ZNF880: variants seen among roughly 807,000 people sequenced by gnomAD.
The protein encoded by ZNF880 is zinc finger protein LOC400713.
A neutral mutation model predicts 11.8 loss-of-function variants in ZNF880; 12 were observed. The ratio of observed to expected loss-of-function variants is 1.02; its 90% confidence interval spans 0.65 to 1.65. ZNF880 has a LOEUF of 1.65. Ranked by LOEUF, ZNF880 falls within the 40% of genes most tolerant of loss-of-function variation. The probability of loss-of-function intolerance (pLI) is 0.00; values close to 1 mark genes in which losing one functional copy is unlikely to be tolerated. For missense variants in ZNF880, 601 were observed against 673.9 expected, an observed-to-expected ratio of 0.89 and a Z score of 1.20; for synonymous variants, 210 against 232.4, an observed-to-expected ratio of 0.90 and a Z score of 0.88.
At chr19:52,370,779 T>C (rs902503357) in intron 1 of ZNF880, among the ~76,000 whole-genome samples, 31 of 152,236 alleles carry the variant, frequency 2.0e-4, no homozygotes, top group African/African-American at 7.2e-4. Context: ...CATGCTGAAA[T>C]GCACATTTGC....
chr19:52,369,858 G>GGAAGCGCAGGCTCCGCC (rs1205870004), upstream of ZNF880: 2 of 1,417,794 alleles, frequency 1.4e-6, no homozygotes, highest in African/African-American at 2.8e-5. Context: ...CGAGGCGGAG[G>GGAAGCGCAGGCTCCGCC]GAAGCGCAGG....
rs869288387 is a variant in ZNF880 at position 52,376,509 on chromosome 19, C to CTTTTTTTTTTTT, written c.268+2089_268+2100dup. Among the ~76,000 whole-genome samples the CTTTTTTTTTTTT allele has an allele frequency of 3.9e-4, 23 of 58,318 alleles. 1 individual carries two copies. Among genetic ancestry groups the CTTTTTTTTTTTT allele is most frequent in the African/African-American group, 5.8e-4 (8 of 13,732 alleles). The allele number at this position is 58,318 out of a possible 152,430, so 38.3% of individuals were successfully genotyped here. A position where few individuals can be genotyped will look rare whatever the true frequency, so the allele number is the denominator to read the frequency against. On this transcript the variant is annotated intron_variant, in intron 3 of 3. Coordinates refer to ENST00000422689, the MANE Select transcript of ZNF880 (RefSeq NM_001145434.2). ...GTCCTTAGCACCGCCCCCCCCCCCC[C>CTTTTTTTTTTTT]TTTTTTTTTTTTTTTTTTGAGACAG...
intron 2 of ZNF880, 98 bp from the exon 3 acceptor site, chr19:52,374,201 C>T (rs955046551): frequency 4.0e-5 from 44 of 1,102,052 alleles, no homozygotes; most frequent in East Asian, 5.3e-5. Context: ...CCCGCCACCA[C>T]GCCCCGCTAA....
intron 3 of ZNF880, among the ~76,000 whole-genome samples, chr19:52,377,746 G>T (rs74760116): frequency 1.3e-5 from 2 of 152,172 alleles, no homozygotes; most frequent in African/African-American, 4.8e-5. Context: ...AGATTCACAG[G>T]GGGAGGCACG....
the ZNF880 span, among the ~76,000 whole-genome samples, chr19:52,393,906 A>T: frequency 3.7e-5 from 5 of 135,380 alleles, no homozygotes; most frequent in South Asian, 2.4e-4. Context: ...GCGCGATCTC[A>T]GCTCACTGCA....
At chr19:52,369,688 G>C (rs201426952), upstream of ZNF880, among the ~76,000 whole-genome samples, 2 of 151,938 alleles carry the variant, frequency 1.3e-5, no homozygotes, top group African/African-American at 4.8e-5. Context: ...ACATGCGAGC[G>C]CCCCTACAGC....
chr19:52,385,333 T>G lies in ZNF880; in HGVS notation c.*19T>G. 6.5e-7 allele frequency: 1 copy of G among 1,547,030 alleles called. No individual in the cohort carries two copies. Among genetic ancestry groups the G allele is most frequent in the South Asian group, 1.2e-5 (1 of 83,792 alleles). On this transcript the variant is annotated 3_prime_UTR_variant, in exon 4 of 4. Coordinates refer to ENST00000422689, the MANE Select transcript of ZNF880 (RefSeq NM_001145434.2). The stretch of plus-strand genomic sequence containing the variant: ...CAGATGAAATGTGTGTGGTAAGATC[T>G]TTAGTAATAATTCACACCTTGCACA...
chr19:52,388,862 T>C (rs553751177), downstream of ZNF880: 6 of 152,292 alleles, frequency 3.9e-5, no homozygotes, highest in African/African-American at 1.4e-4. Flanking sequence ...AGAAGTTTAA[T>C]GGACTCACAG....
downstream of ZNF880, among the ~76,000 whole-genome samples, chr19:52,386,953 A>G (rs1467588761): frequency 1.4e-5 from 2 of 144,484 alleles, no homozygotes; most frequent in Non-Finnish European, 3.0e-5. Context: ...TAGAATGTAC[A>G]TAGTTCTCAT....
chr19:52,376,115 C>T (rs879682280), intron 3 of ZNF880, among the ~76,000 whole-genome samples: 6 of 152,114 alleles, frequency 3.9e-5, no homozygotes, highest in African/African-American at 9.7e-5. Context: ...GTGAATTGTG[C>T]TGCTATAAAC....
downstream of ZNF880, among the ~76,000 whole-genome samples, chr19:52,386,985 C>G (rs975696647): frequency 7.0e-6 from 1 of 142,500 alleles, no homozygotes; most frequent in Non-Finnish European, 1.5e-5. Context: ...TAAAATTTTC[C>G]TAAGTATGAA....
intron 3 of ZNF880, among the ~76,000 whole-genome samples, chr19:52,379,056 A>G (rs1310969491): frequency 6.6e-6 from 1 of 152,086 alleles, no homozygotes; most frequent in African/African-American, 2.4e-5. Context: ...GCCTTAGTAC[A>G]GAGTGATACC....
At chr19:52,381,395 C>T (rs1189251032) in intron 3 of ZNF880, among the ~76,000 whole-genome samples, 2 of 152,196 alleles carry the variant, frequency 1.3e-5, no homozygotes, top group African/African-American at 4.8e-5. Flanking sequence ...CATATTAACA[C>T]TGCTACCTGT....
Position 52,385,152 on chromosome 19 carries a change from A to G in ZNF880, c.1572A>G (p.Glu524=), listed in dbSNP as rs1304223907. The G allele has an allele frequency of 2.6e-6, 4 of 1,556,126 alleles. No individual in the cohort carries two copies. In the South Asian group the frequency reaches 4.7e-5, roughly 18 times the overall value. The part of the protein sequence containing the change: ...HTGEKSYKCN[E]CGKVFSHKLY... ...GAGAGAAGTCTTACAAATGCAATGAATGTGGCAAGGTCTTCAGCCACAAGT... is the reference window on the plus strand; with the variant it reads ...GAGAGAAGTCTTACAAATGCAATGAGTGTGGCAAGGTCTTCAGCCACAAGT... Residue 524 remains glutamate (E), a synonymous_variant, in exon 4 of 4, where the codon GAA becomes GAG. Transcript: ENST00000422689.
rs936018206 is a variant in ZNF880 at position 52,385,706 on chromosome 19, G to T, written c.*392G>T. On this transcript the variant is annotated 3_prime_UTR_variant, in exon 4 of 4. Coordinates refer to ENST00000422689, the MANE Select transcript of ZNF880 (RefSeq NM_001145434.2). ...CTCCAAATACGTTGAATCTCATGAC[G>T]CGATGCATGTCGAAGGTCCAAGGGC... The T allele has an allele frequency of 5.7e-6, 1 of 174,244 alleles. No individual in the cohort carries two copies. The highest frequency in any genetic ancestry group is 1.2e-5 in the Non-Finnish European group (1 of 84,140). 10.8% of individuals were successfully genotyped at this position (174,244 alleles called of 1,614,324 possible).
At position 52,375,574 on chromosome 19, in the gene ZNF880, G is replaced by A. The variant is rs368951118; in HGVS notation, c.268+1147G>A. 3.9e-5 allele frequency among the ~76,000 whole-genome samples: 6 copies of A among 152,172 alleles called. No individual in the cohort carries two copies. In the East Asian group the frequency reaches 1.2e-3, roughly 29 times the overall value. On this transcript the variant is annotated intron_variant, in intron 3 of 3. Coordinates refer to ENST00000422689, the MANE Select transcript of ZNF880 (RefSeq NM_001145434.2). ...TACGTAGATAAGTTCTTTAGTGGTG[G>A]TTTCTGAGATTTTGGTGCACCCATC...
downstream of ZNF880, chr19:52,389,292 CTGTT>C (rs749175351): frequency 6.6e-6 from 1 of 152,240 alleles, no homozygotes; most frequent in Non-Finnish European, 1.5e-5. Flanking sequence ...CAAGTCTCTT[CTGTT>C]TATGAGCCTG....
Position 52,385,393 on chromosome 19 carries a change from AAACT to A in ZNF880, c.*80_*83del, listed in dbSNP as rs1203219373. 1.4e-6 allele frequency: 2 copies of A among 1,454,066 alleles called. No homozygotes were observed. Among genetic ancestry groups the A allele is most frequent in the Non-Finnish European group, 1.9e-6 (2 of 1,078,446 alleles). The allele number at this position is 1,454,066 out of a possible 1,614,324, so 90.1% of individuals were successfully genotyped here. On this transcript the variant is annotated 3_prime_UTR_variant, in exon 4 of 4. Transcript: ENST00000422689. ...AATTCATTCATGAGAGAGTTCTTACAAACTGAGTATGGCAAACTCTTCATGCTAA... is the reference window on the plus strand; with the variant it reads ...AATTCATTCATGAGAGAGTTCTTACAGAGTATGGCAAACTCTTCATGCTAA...
At chr19:52,380,302 GT>G (rs150901227) in intron 3 of ZNF880, among the ~76,000 whole-genome samples, 14 of 148,824 alleles carry the variant, frequency 9.4e-5, no homozygotes, top group Admixed American at 4.0e-4. Context: ...TGTCTTTTGG[GT>G]TTTTTTTTTA....
Sources: gnomAD v4.1 joint callset for allele counts (sites outside exome capture counted in the v4.1 genomes callset) on GRCh38, gnomAD v4.1.1 for gene constraint, MANE v1.5 for transcripts, NCBI Gene and HGNC (gene_info 2026-07-23, HGNC 2026-07-21) for gene names.